The following ITPR2 variants were observed in gnomAD, a reference collection of about 807,000 sequenced individuals.
ITPR2 encodes the protein inositol 1,4,5-trisphosphate receptor type 2.
Under a neutral mutation model 317.1 loss-of-function variants are expected in ITPR2, and 207 were observed. That is an observed-to-expected ratio of 0.65 (90% CI 0.58 to 0.73). The LOEUF is 0.73. Ranked by LOEUF, ITPR2 falls within the 30% of genes least tolerant of loss-of-function variation. The probability of loss-of-function intolerance (pLI) is 0.00; values close to 1 mark genes in which losing one functional copy is unlikely to be tolerated. For missense variants in ITPR2, 2,613 were observed against 3,284.0 expected, an observed-to-expected ratio of 0.80 and a Z score of 4.99; for synonymous variants, 1,156 against 1,149.1, an observed-to-expected ratio of 1.01 and a Z score of -0.12.
intron 26 of ITPR2, among the ~76,000 whole-genome samples, chr12:26,616,991 C>T (rs897542417): frequency 6.6e-6 from 1 of 152,148 alleles, no homozygotes; most frequent in African/African-American, 2.4e-5. Flanking sequence ...ACATAATTCA[C>T]ACAACACAGA....
chr12:26,601,474 T>A (rs1945997197), intron 28 of ITPR2, among the ~76,000 whole-genome samples: 2 of 152,166 alleles, frequency 1.3e-5, no homozygotes, highest in South Asian at 4.1e-4. Flanking sequence ...AACATTTTAT[T>A]GTGCCAGAAA....
chr12:26,629,512 C>T (rs920095779), intron 22 of ITPR2, among the ~76,000 whole-genome samples: 4 of 151,722 alleles, frequency 2.6e-5, no homozygotes, highest in African/African-American at 9.7e-5. Context: ...TTTGAACCCA[C>T]GACCTCAAGG....
At chr12:26,653,861 C>A in intron 21 of ITPR2, 115 bp downstream of exon 21, 2 of 755,992 alleles carry the variant, frequency 2.6e-6, no homozygotes, top group South Asian at 1.7e-5. Flanking sequence ...GAATTGTGTT[C>A]ATATGCACAC....
At chr12:26,707,788 C>G (rs1948579546) in intron 9 of ITPR2, among the ~76,000 whole-genome samples, 1 of 152,080 alleles carries the variant, frequency 6.6e-6, no homozygotes, top group South Asian at 2.1e-4. Context: ...CCTCAGCCTC[C>G]TAAAGTGCTG....
intron 43 of ITPR2, 24 bp downstream of exon 43, chr12:26,481,107 G>A (rs1419160105): frequency 1.4e-6 from 2 of 1,381,054 alleles, no homozygotes; most frequent in Non-Finnish European, 2.1e-6. Context: ...AGCTTTTCTG[G>A]CCTGAACAGT....
intron 1 of ITPR2, among the ~76,000 whole-genome samples, chr12:26,824,606 TAAG>T (rs1401684019): frequency 6.6e-6 from 1 of 152,216 alleles, no homozygotes; most frequent in Admixed American, 6.5e-5. Context: ...TTAACAGTAA[TAAG>T]AAATTGAAGA....
At chr12:26,568,022 A>ATATAT (rs1184702285) in intron 34 of ITPR2, among the ~76,000 whole-genome samples, 2 of 122,966 alleles carry the variant, frequency 1.6e-5, no homozygotes, top group Admixed American at 9.3e-5. Context: ...ATATATATAT[A>ATATAT]TATATATATA....
At position 26,534,701 on chromosome 12, in the gene ITPR2, C is replaced by A. The variant is rs138311949; in HGVS notation, c.5073+15546G>T. ...TTGAACAGCTAGATTTAAGGAATAT[C>A]GAACATTTCAGTTTAAATGTTGAAC... On this transcript the variant is annotated intron_variant, in intron 37 of 56. Coordinates refer to ENST00000381340, the MANE Select transcript of ITPR2 (RefSeq NM_002223.4). 3.9e-5 allele frequency among the ~76,000 whole-genome samples: 6 copies of A among 152,262 alleles called. No individual in the cohort carries two copies. The South Asian group carries it at 6.2e-4, about 16-fold the overall frequency.
intron 34 of ITPR2, among the ~76,000 whole-genome samples, chr12:26,567,935 T>C (rs1288046178): frequency 1.2e-5 from 1 of 84,694 alleles, no homozygotes; most frequent in African/African-American, 4.3e-5. Context: ...AGAAAAATTC[T>C]GGTATATATA....
chr12:26,435,025 T>A (rs1358573956), intron 48 of ITPR2, among the ~76,000 whole-genome samples: 4 of 152,134 alleles, frequency 2.6e-5, no homozygotes, highest in African/African-American at 9.7e-5. Flanking sequence ...GCTATTTAAC[T>A]CATACATCCA....
At chr12:26,820,220 C>T (rs1950918768) in intron 1 of ITPR2, among the ~76,000 whole-genome samples, 1 of 152,156 alleles carries the variant, frequency 6.6e-6, no homozygotes, top group Admixed American at 6.5e-5. Flanking sequence ...CCAGTGACAA[C>T]TCCCATCCAT....
At chr12:26,830,394 T>C (rs906943381) in intron 1 of ITPR2, among the ~76,000 whole-genome samples, 1 of 152,242 alleles carries the variant, frequency 6.6e-6, no homozygotes, top group Non-Finnish European at 1.5e-5. Flanking sequence ...TTTACACAAA[T>C]GTATATTGTA....
In ITPR2 at chr12:26,399,862, A is replaced by G. The variant is rs1384709266; in HGVS notation, c.7530+266T>C. Among the ~76,000 whole-genome samples, 3 of 152,350 alleles carry G rather than the reference A, an allele frequency of 2.0e-5. No homozygotes were observed. The East Asian group carries it at 5.8e-4, about 29-fold the overall frequency. On this transcript the variant is annotated intron_variant, in intron 53 of 56. Coordinates refer to ENST00000381340, the MANE Select transcript of ITPR2 (RefSeq NM_002223.4). Reference sequence around the variant, plus strand: ...TGTGTAACAATCAACTCCTATATAAAGTTCGCAGTCATGATTTCATTGCTG... The same window carrying G: ...TGTGTAACAATCAACTCCTATATAAGGTTCGCAGTCATGATTTCATTGCTG...
intron 46 of ITPR2, among the ~76,000 whole-genome samples, chr12:26,442,241 C>T (rs999689416): frequency 6.6e-6 from 1 of 152,134 alleles, no homozygotes; most frequent in Non-Finnish European, 1.5e-5. Context: ...TAAAGGCAAC[C>T]TTCTCAGTGA....
chr12:26,487,993 T>G (rs758550932), intron 39 of ITPR2, among the ~76,000 whole-genome samples: 4 of 152,118 alleles, frequency 2.6e-5, no homozygotes, highest in Non-Finnish European at 5.9e-5. Flanking sequence ...AATGTATCTT[T>G]GTAAGATGTG....
chr12:26,692,798 A>G (rs1350931456), intron 10 of ITPR2, among the ~76,000 whole-genome samples: 1 of 152,232 alleles, frequency 6.6e-6, no homozygotes, highest in Non-Finnish European at 1.5e-5. Context: ...TTACAAAAAA[A>G]AAATATTAAC....
intron 55 of ITPR2, among the ~76,000 whole-genome samples, chr12:26,381,134 G>A (rs1004293729): frequency 6.8e-4 from 104 of 152,278 alleles, no homozygotes; most frequent in African/African-American, 2.4e-3. Context: ...GGCCACAGAT[G>A]GATTAATGTG....
In ITPR2 at chr12:26,411,413, C is replaced by A; in HGVS notation, c.7307-1G>T. On this transcript the variant is annotated splice_acceptor_variant, in intron 51 of 56. Coordinates refer to ENST00000381340, the MANE Select transcript of ITPR2 (RefSeq NM_002223.4). LOFTEE classifies it high-confidence loss of function. ...GTCATAGTAGGCACTTGATGACTGC[C>A]TAAGAAAATACAAAGTAGTATATAA... 1 of 1,602,102 alleles carries A rather than the reference C, an allele frequency of 6.2e-7. No individual in the cohort carries two copies.
At chr12:26,813,946 A>G (rs1238875513) in intron 1 of ITPR2, among the ~76,000 whole-genome samples, 2 of 152,194 alleles carry the variant, frequency 1.3e-5, no homozygotes, top group Non-Finnish European at 2.9e-5. Flanking sequence ...CCGCCTATCC[A>G]TCATCCACTG....
Sources: allele counts gnomAD v4.1 joint callset (sites outside exome capture counted in the v4.1 genomes callset), GRCh38; gene constraint gnomAD v4.1.1; transcripts MANE v1.5; gene names NCBI Gene and HGNC (gene_info 2026-07-23, HGNC 2026-07-21).